The following DNAH5 variants were observed in gnomAD, a reference collection of about 807,000 sequenced individuals.
DNAH5 encodes the protein dynein axonemal heavy chain 5, also known as axonemal beta dynein heavy chain 5.
A neutral mutation model predicts 518.2 loss-of-function variants in DNAH5; 372 were observed. That is an observed-to-expected ratio of 0.72 (90% confidence interval 0.66 to 0.78). The LOEUF (loss-of-function observed/expected upper bound fraction) is 0.78. DNAH5 is among the 30% of genes least tolerant of loss of function. The probability of loss-of-function intolerance (pLI) is 0.00; values close to 1 mark genes in which losing one functional copy is unlikely to be tolerated. For missense variants in DNAH5, 5,523 were observed against 5,687.0 expected, an observed-to-expected ratio of 0.97 and a Z score of 0.93; for synonymous variants, 2,039 against 2,025.9, an observed-to-expected ratio of 1.01 and a Z score of -0.17.
At chr5:14,001,862 A>G (rs889084984) in intron 1 of DNAH5, among the ~76,000 whole-genome samples, 1 of 151,948 alleles carries the variant, frequency 6.6e-6, no homozygotes, top group Non-Finnish European at 1.5e-5. Context: ...ACCCAGAATA[A>G]AGCAATAAGC....
intron 1 of DNAH5, among the ~76,000 whole-genome samples, chr5:13,990,046 A>ATGAGTGGTG (rs1783406871): frequency 6.6e-6 from 1 of 152,228 alleles, no homozygotes; most frequent in Non-Finnish European, 1.5e-5. Context: ...TCAAGGTCAC[A>ATGAGTGGTG]CAGCTAATGA....
At chr5:13,786,613 A>T (rs1756065339) in intron 51 of DNAH5, among the ~76,000 whole-genome samples, 1 of 152,238 alleles carries the variant, frequency 6.6e-6, no homozygotes, top group South Asian at 2.1e-4. Context: ...ATTTGAACCC[A>T]CAACTGATTA....
intron 35 of DNAH5, among the ~76,000 whole-genome samples, chr5:13,833,008 C>T (rs1408365994): frequency 2.0e-5 from 3 of 151,752 alleles, no homozygotes; most frequent in Non-Finnish European, 4.4e-5. Flanking sequence ...TCCTAAGAAA[C>T]AATGGTACGT....
chr5:13,850,894 G>A (rs760671509), intron 30 of DNAH5, 79 bp from the exon 31 acceptor site: 5 of 1,447,588 alleles, frequency 3.5e-6, no homozygotes, highest in Non-Finnish European at 4.9e-6. Context: ...CATTCCTCCA[G>A]CTGAGGCTAG....
At chr5:13,705,818 G>A (rs75206915) in intron 76 of DNAH5, among the ~76,000 whole-genome samples, 1 of 136,224 alleles carries the variant, frequency 7.3e-6, no homozygotes, top group African/African-American at 2.7e-5. Flanking sequence ...TGTACACAAG[G>A]CAAAGAAAAT....
intron 78 of DNAH5, among the ~76,000 whole-genome samples, chr5:13,692,597 A>G (rs1740841561): frequency 6.6e-6 from 1 of 152,196 alleles, no homozygotes; most frequent in South Asian, 2.1e-4. Context: ...AAATCCCAGG[A>G]CAGAGGGTGC....
intron 34 of DNAH5, 122 bp downstream of exon 34, chr5:13,840,784 T>A (rs1765045490): frequency 1.3e-6 from 1 of 783,948 alleles, no homozygotes; most frequent in Non-Finnish European, 2.1e-6. Flanking sequence ...ATTACAAACA[T>A]GATTCTTTGC....
At position 13,700,672 on chromosome 5, in the gene DNAH5, A is replaced by T; in HGVS notation, c.13691T>A (p.Met4564Lys). Residue 4564 changes from methionine (M) to lysine (K), a missense_variant, in exon 78 of 79, where the codon ATG (methionine) becomes AAG (lysine). Physicochemically the swap from Met to Lys is moderately conservative, Grantham distance 95 (BLOSUM62 -1). Transcript: ENST00000265104. ...TTCTGCATAAATCCTTATGACAGGC[A>T]TCAACTCAAAGAGCACTTTTGGCTT... ...ESKPKVLFEL[M>K]PVIRIYAENN... is the part of the protein sequence containing the mutation. 1.9e-6 allele frequency: 3 copies of T among 1,614,222 alleles called. No individual in the cohort carries two copies. The highest frequency in any genetic ancestry group is 8.5e-7 in the Non-Finnish European group (1 of 1,180,020).
intron 66 of DNAH5, among the ~76,000 whole-genome samples, chr5:13,736,135 T>A (rs1482402716): frequency 6.6e-6 from 1 of 152,242 alleles, no homozygotes; most frequent in Non-Finnish European, 1.5e-5. Flanking sequence ...ACTATTTGTA[T>A]TTATTAAATG....
rs2126453340 is a variant in DNAH5 at position 13,707,824 on chromosome 5, AG to A, written c.13338+298del. On this transcript the variant is annotated intron_variant, in intron 76 of 78. Coordinates refer to ENST00000265104, the MANE Select transcript of DNAH5 (RefSeq NM_001369.3). This position sits in a 1 kb window ranked among gnomAD's most constrained non-coding sequence, Gnocchi z 4.0. ...TTGGACTACTTAGATGTGTAATCTG[AG>A]AAAAGACTTAACCTGTCCCAAACTT... 6.6e-6 allele frequency among the ~76,000 whole-genome samples: 1 copy of A among 152,276 alleles called. No individual in the cohort carries two copies. Among genetic ancestry groups the A allele is most frequent in the Non-Finnish European group, 1.5e-5 (1 of 68,024 alleles).
intron 76 of DNAH5, among the ~76,000 whole-genome samples, chr5:13,705,010 G>C (rs1351072922): frequency 2.1e-5 from 3 of 145,998 alleles, no homozygotes; most frequent in Non-Finnish European, 4.5e-5. Flanking sequence ...TTTTTTTTCT[G>C]AGAGGGAGTC....
At position 13,757,745 on chromosome 5, in the gene DNAH5, C is replaced by T. The variant is rs147447512; in HGVS notation, c.10419+1101G>A. On this transcript the variant is annotated intron_variant, in intron 61 of 78. Coordinates refer to ENST00000265104, the MANE Select transcript of DNAH5 (RefSeq NM_001369.3). Reference sequence around the variant, plus strand: ...AAAGTGGGCAAAGGACATGAACAGACATTTTTCAAAAGTGCTACTTCTTTA... The same window carrying T: ...AAAGTGGGCAAAGGACATGAACAGATATTTTTCAAAAGTGCTACTTCTTTA... 7.6e-4 allele frequency among the ~76,000 whole-genome samples: 116 copies of T among 152,228 alleles called. 1 individual carries two copies. Among genetic ancestry groups the T allele is most frequent in the African/African-American group, 2.6e-3 (109 of 41,556 alleles).
chr5:13,816,555 A>G (rs1298223838), intron 42 of DNAH5, among the ~76,000 whole-genome samples: 16 of 121,614 alleles, frequency 1.3e-4, no homozygotes, highest in East Asian at 9.2e-4. Flanking sequence ...TGGAAAGGGG[A>G]AAAAAAAAAC....
At chr5:13,736,317 C>A (rs545854060) in intron 66 of DNAH5, among the ~76,000 whole-genome samples, 1 of 152,296 alleles carries the variant, frequency 6.6e-6, no homozygotes, top group South Asian at 2.1e-4. Flanking sequence ...CCATGCCTAA[C>A]CTGGGCTTCA....
At chr5:13,692,590 T>C (rs1740839849) in intron 78 of DNAH5, among the ~76,000 whole-genome samples, 1 of 152,136 alleles carries the variant, frequency 6.6e-6, no homozygotes, top group African/African-American at 2.4e-5. Flanking sequence ...ACATTTTAAA[T>C]CCCAGGACAG....
chr5:13,818,299 T>C (rs1407042350), intron 41 of DNAH5, among the ~76,000 whole-genome samples: 1 of 152,222 alleles, frequency 6.6e-6, no homozygotes, highest in African/African-American at 2.4e-5. Flanking sequence ...AGGTTTAAAG[T>C]ATAAAATTAT....
intron 1 of DNAH5, among the ~76,000 whole-genome samples, chr5:13,961,187 T>C (rs1019610069): frequency 1.3e-5 from 2 of 152,286 alleles, no homozygotes; most frequent in East Asian, 1.9e-4. Flanking sequence ...TATTTAATAA[T>C]ATAAAAATCA....
chr5:13,811,640 A>G lies in DNAH5; in HGVS notation c.7407+7T>C, dbSNP rs371481233. 2 of 1,613,912 alleles carry G rather than the reference A, an allele frequency of 1.2e-6. No homozygotes were observed. The highest frequency in any genetic ancestry group is 1.7e-6 in the Non-Finnish European group (2 of 1,179,798). ...AGAGAATTTCTCTAGAAAGTTGAGCAATTTACCTTCAGAGGAATCAGGCCT... is the reference window on the plus strand; with the variant it reads ...AGAGAATTTCTCTAGAAAGTTGAGCGATTTACCTTCAGAGGAATCAGGCCT... On this transcript the variant is annotated splice_region_variant and intron_variant, in intron 44 of 78. Coordinates refer to ENST00000265104, the MANE Select transcript of DNAH5 (RefSeq NM_001369.3).
chr5:13,802,018 T>C (rs569029393), intron 47 of DNAH5, among the ~76,000 whole-genome samples: 1 of 152,244 alleles, frequency 6.6e-6, no homozygotes, highest in South Asian at 2.1e-4. Context: ...TTGATTTAGA[T>C]GAGTGATCTT....
Sources: gnomAD v4.1 joint callset for allele counts (sites outside exome capture counted in the v4.1 genomes callset) on GRCh38, gnomAD v4.1.1 for gene constraint, Gnocchi (gnomAD v3.1) non-coding constraint, MANE v1.5 for transcripts, NCBI Gene and HGNC (gene_info 2026-07-23, HGNC 2026-07-21) for gene names.